Variants in RIMKLB observed in about 807,000 individuals in gnomAD.
RIMKLB encodes the protein ribosomal modification protein rimK like family member B, also known as beta-citrylglutamate synthase B.
RIMKLB carries 7 observed loss-of-function variants against 32.0 expected under a neutral mutation model. That is an observed-to-expected ratio of 0.22 (90% confidence interval 0.12 to 0.41). The LOEUF (loss-of-function observed/expected upper bound fraction) is 0.41, where lower values mean the gene tolerates loss of function less well. Ranked by LOEUF, RIMKLB falls within the 10% of genes least tolerant of loss-of-function variation. The probability of loss-of-function intolerance (pLI) is 1.00; values close to 1 mark genes in which losing one functional copy is unlikely to be tolerated. For missense variants in RIMKLB, 289 were observed against 498.7 expected (o/e 0.58, Z 4.00); for synonymous variants, 172 against 185.1 (o/e 0.93, Z 0.57).
upstream of RIMKLB, among the ~76,000 whole-genome samples, chr12:8,678,260 C>G (rs1053018116): frequency 2.0e-5 from 3 of 151,902 alleles, no homozygotes; most frequent in Non-Finnish European, 4.4e-5. Context: ...AAGTGATCCT[C>G]GCACGTTGGC....
At chr12:8,710,201 C>T (rs188576735) in intron 1 of RIMKLB, among the ~76,000 whole-genome samples, 286 of 151,394 alleles carry the variant, frequency 1.9e-3, no homozygotes, top group Non-Finnish European at 1.2e-3. Context: ...ATCATGTCAG[C>T]CAGGCTGGTC....
intron 5 of RIMKLB, among the ~76,000 whole-genome samples, chr12:8,756,153 CAA>C (rs1233371130): frequency 0.039 from 4,472 of 114,104 alleles, 222 homozygotes; most frequent in African/African-American, 0.13. Flanking sequence ...GACTCTGCCT[CAA>C]AAAAAAAAAA....
intron 5 of RIMKLB, among the ~76,000 whole-genome samples, chr12:8,764,192 C>A (rs1299306757): frequency 6.6e-6 from 1 of 152,084 alleles, no homozygotes; most frequent in East Asian, 1.9e-4. Context: ...GGCCTCGGGT[C>A]TAAGGGGGTA....
At chr12:8,703,510 CT>C (rs1187294398) in intron 1 of RIMKLB, among the ~76,000 whole-genome samples, 1 of 152,006 alleles carries the variant, frequency 6.6e-6, no homozygotes, top group East Asian at 1.9e-4. Flanking sequence ...TTTTCTTTCA[CT>C]TTTTGTAGAG....
chr12:8,736,386 A>G (rs1280775295), intron 2 of RIMKLB, among the ~76,000 whole-genome samples: 2 of 152,150 alleles, frequency 1.3e-5, no homozygotes, highest in African/African-American at 4.8e-5. Context: ...AATAGCTCGT[A>G]TATACTGTTT....
chr12:8,718,343 T>G (rs1945063235), intron 2 of RIMKLB, among the ~76,000 whole-genome samples: 1 of 152,158 alleles, frequency 6.6e-6, no homozygotes. Flanking sequence ...TTTGTCGACC[T>G]CTTTTTAAAA....
Position 8,750,076 on chromosome 12 carries a change from G to A in RIMKLB, c.390G>A (p.Pro130=), listed in dbSNP as rs113773586. ...QELAGHGVPL[P]DTFSYGGHEN... ...TGGCTGGCCATGGTGTTCCTCTGCC[G>A]GATACTTTCTCTTATGGTGAGCCTA... The change falls in exon 3 of 6, where the codon CCG becomes CCA. Residue 130 remains proline (P), a synonymous_variant. Coordinates refer to ENST00000535829, the MANE Select transcript of RIMKLB (RefSeq NM_001297776.2). 12 of 1,602,786 alleles carry A rather than the reference G, an allele frequency of 7.5e-6. No homozygotes were observed. Among genetic ancestry groups the A allele is most frequent in the Middle Eastern group, 1.7e-4 (1 of 6,040 alleles).
intron 1 of RIMKLB, among the ~76,000 whole-genome samples, chr12:8,699,111 T>C (rs1259945065): frequency 6.6e-6 from 1 of 152,236 alleles, no homozygotes; most frequent in Non-Finnish European, 1.5e-5. Context: ...TGAGGGGTTA[T>C]TGCACTAACC....
At chr12:8,713,636 T>A (rs1944558384) in intron 1 of RIMKLB, 175 bp from the exon 2 acceptor site, 2 of 486,834 alleles carry the variant, frequency 4.1e-6, no homozygotes, top group Non-Finnish European at 7.4e-6. Context: ...GTGGTCAGTT[T>A]CCATATTACT....
At chr12:8,676,657 C>CTTT (rs1041395027), upstream of RIMKLB, among the ~76,000 whole-genome samples, 1 of 151,846 alleles carries the variant, frequency 6.6e-6, no homozygotes, top group Non-Finnish European at 1.5e-5. Flanking sequence ...CCTCGGCTTC[C>CTTT]CAAAGTGCTA....
chr12:8,767,923 A>AT (rs1478199065), intron 5 of RIMKLB, among the ~76,000 whole-genome samples: 11 of 152,324 alleles, frequency 7.2e-5, no homozygotes, highest in African/African-American at 2.6e-4. Context: ...GTGGTTCAAT[A>AT]TTATTCACTG....
downstream of RIMKLB, chr12:8,779,481 C>T (rs1046790512): frequency 1.3e-5 from 2 of 152,192 alleles, no homozygotes; most frequent in Non-Finnish European, 2.9e-5. Flanking sequence ...AGGCTCATCC[C>T]ATATACAGAG....
intron 5 of RIMKLB, among the ~76,000 whole-genome samples, chr12:8,754,492 T>C (rs939826807): frequency 1.3e-5 from 2 of 152,230 alleles, no homozygotes; most frequent in Admixed American, 1.3e-4. Flanking sequence ...TTCTTAAATA[T>C]GTATTTTCTC....
intron 2 of RIMKLB, among the ~76,000 whole-genome samples, chr12:8,729,658 C>A (rs982953157): frequency 2.6e-5 from 4 of 152,136 alleles, no homozygotes; most frequent in African/African-American, 9.7e-5. Context: ...GGGTTGGGCC[C>A]TCACCAGGGA....
At chr12:8,768,941 TTTCTG>T (rs1340869521) in intron 5 of RIMKLB, among the ~76,000 whole-genome samples, 2 of 152,220 alleles carry the variant, frequency 1.3e-5, no homozygotes, top group Non-Finnish European at 2.9e-5. Flanking sequence ...AAATTCTATC[TTTCTG>T]TTGTATTCAT....
In RIMKLB at chr12:8,774,365, C is replaced by G. The variant is rs1471202741; in HGVS notation, c.*581C>G. 1.0e-6 allele frequency: 1 copy of G among 985,496 alleles called. No individual in the cohort carries two copies. The allele number at this position is 985,496 out of a possible 1,614,324, so 61.0% of individuals were successfully genotyped here. Reference sequence around the variant, plus strand: ...TTTCCCGCTTAATTTGGTGGGAGGTCAAATTGAATATAACCCAATAAAGGC... The same window carrying G: ...TTTCCCGCTTAATTTGGTGGGAGGTGAAATTGAATATAACCCAATAAAGGC... On this transcript the variant is annotated 3_prime_UTR_variant, in exon 6 of 6. Transcript: ENST00000535829.
rs780404216 is a variant in RIMKLB at position 8,775,789 on chromosome 12, CAG to C, written c.*2009_*2010del. The C allele has an allele frequency of 2.3e-5, 23 of 985,152 alleles. No individual in the cohort carries two copies. The highest frequency in any genetic ancestry group is 2.4e-5 in the Non-Finnish European group (20 of 829,586). The allele number at this position is 985,152 out of a possible 1,614,324, so 61.0% of individuals were successfully genotyped here. A position where few individuals can be genotyped will look rare whatever the true frequency, so the allele number is the denominator to read the frequency against. Reference sequence around the variant, plus strand: ...ATCTGTGCAGTGTCTCATTTCACCTCAGAGAAAAGGATACATAAGAGGAGTTT... The same window carrying C: ...ATCTGTGCAGTGTCTCATTTCACCTCAGAAAAGGATACATAAGAGGAGTTT... On this transcript the variant is annotated 3_prime_UTR_variant, in exon 6 of 6. Coordinates refer to ENST00000535829, the MANE Select transcript of RIMKLB (RefSeq NM_001297776.2).
rs1167534351 is a variant in RIMKLB, at chr12:8,731,305, C to G, written c.175+17264C>G. Among the ~76,000 whole-genome samples the G allele has an allele frequency of 2.0e-5, 3 of 151,936 alleles. No homozygotes were observed. In the East Asian group the frequency reaches 5.8e-4, roughly 29 times the overall value. ...TAGAGACAGGGTTTCGCCACGTTGGCCAGGCTGGTCTCAAACTCCTGACCT... is the reference window on the plus strand; with the variant it reads ...TAGAGACAGGGTTTCGCCACGTTGGGCAGGCTGGTCTCAAACTCCTGACCT... On this transcript the variant is annotated intron_variant, in intron 2 of 5. Transcript: ENST00000535829.
At chr12:8,763,545 C>T (rs760663028) in intron 5 of RIMKLB, among the ~76,000 whole-genome samples, 1 of 152,212 alleles carries the variant, frequency 6.6e-6, no homozygotes. Context: ...TGAGGATAAG[C>T]CAATATAGGC....
Sources: allele counts gnomAD v4.1 joint callset (sites outside exome capture counted in the v4.1 genomes callset), GRCh38; gene constraint gnomAD v4.1.1; transcripts MANE v1.5; gene names NCBI Gene and HGNC (gene_info 2026-07-23, HGNC 2026-07-21).